CNOT3: variants seen among roughly 807,000 people sequenced by gnomAD.
CNOT3 encodes CCR4-associated factor 3.
Under a neutral mutation model 89.4 loss-of-function variants are expected in CNOT3, and 2 were observed. The observed-to-expected ratio is 0.02, with a 90% CI of 0.01 to 0.07. CNOT3 has a LOEUF of 0.07. Ranked by LOEUF, CNOT3 falls within the 10% of genes least tolerant of loss-of-function variation. CNOT3 has a pLI of 1.00. For missense variants in CNOT3, 664 were observed against 1,010.2 expected (o/e 0.66, Z 4.65); for synonymous variants, 486 against 402.0 (o/e 1.21, Z -2.50).
At chr19:54,146,679 G>A (rs1198097792) in intron 10 of CNOT3, 22 bp downstream of exon 10, 8 of 1,378,982 alleles carry the variant, frequency 5.8e-6, no homozygotes, top group Middle Eastern at 3.5e-4. Flanking sequence ...CCTGGACCGG[G>A]TGGGCACGCC....
At chr19:54,143,044 C>T (rs754413638) in intron 2 of CNOT3, 41 bp downstream of exon 2, 8 of 1,613,516 alleles carry the variant, frequency 5.0e-6, no homozygotes, top group Non-Finnish European at 4.2e-6. Context: ...GCCACATGCT[C>T]CCTCTTCTGA....
At chr19:54,146,443 A>G (rs886666147) in intron 9 of CNOT3, among the ~76,000 whole-genome samples, 158 bp from the exon 10 acceptor site, 2 of 152,120 alleles carry the variant, frequency 1.3e-5, no homozygotes, top group East Asian at 1.9e-4. Flanking sequence ...CTGAATTGAG[A>G]TGGTTTCTCC....
At chr19:54,139,610 C>T (rs1436069469) in intron 1 of CNOT3, among the ~76,000 whole-genome samples, 1 of 152,102 alleles carries the variant, frequency 6.6e-6, no homozygotes, top group African/African-American at 2.4e-5. Context: ...GGTGTCCACG[C>T]CTCTGCATGT....
intron 9 of CNOT3, 124 bp from the exon 10 acceptor site, chr19:54,146,477 G>C: frequency 1.4e-6 from 1 of 719,820 alleles, no homozygotes; most frequent in Non-Finnish European, 2.6e-6. Flanking sequence ...ACAGCCATTT[G>C]ACCAGCTCTG....
intron 13 of CNOT3, 74 bp downstream of exon 13, chr19:54,149,832 A>C: frequency 3.6e-6 from 5 of 1,400,970 alleles, no homozygotes; most frequent in Admixed American, 4.7e-5. Flanking sequence ...CTCTAGCTGC[A>C]CCCCTTGCCC....
At chr19:54,140,485 G>A (rs1005048050) in intron 1 of CNOT3, among the ~76,000 whole-genome samples, 1 of 152,180 alleles carries the variant, frequency 6.6e-6, no homozygotes, top group Admixed American at 6.5e-5. Flanking sequence ...CTCTGGCGGC[G>A]TCTCTGCTTC....
At chr19:54,153,499 T>G (rs532014592) in intron 16 of CNOT3, 5 of 777,952 alleles carry the variant, frequency 6.4e-6, no homozygotes, top group South Asian at 1.4e-5. Flanking sequence ...TCTCAAAGCT[T>G]CTCTGAAAGC....
rs143683346 is a variant in CNOT3 at position 54,145,926 on chromosome 19, C to T, written c.720C>T (p.Ala240=). 2.9e-4 allele frequency: 471 copies of T among 1,613,622 alleles called. No individual in the cohort carries two copies. The highest frequency in any genetic ancestry group is 3.9e-4 in the Non-Finnish European group (461 of 1,179,954). The change falls in exon 9 of 18, where the codon GCC becomes GCT. Residue 240 remains alanine, a synonymous_variant. Transcript: ENST00000221232. The surrounding 1 kb of genome is among the most constrained non-coding windows in gnomAD (Gnocchi z 5.9). ...CCCCCACAGCACAGGCGCTGGTCGC[C>T]ACCTCCCCCCCCAGCCACAGCCACA... The part of the protein sequence containing the change: ...DLEDIPQALV[A]TSPPSHSHME...
intron 1 of CNOT3, among the ~76,000 whole-genome samples, chr19:54,138,628 A>G (rs1400822394): frequency 1.3e-5 from 2 of 152,130 alleles, no homozygotes; most frequent in Non-Finnish European, 1.5e-5. Flanking sequence ...CCTGGATCTC[A>G]GGTTCCAGCT....
chr19:54,146,980 T>A (rs750000902), intron 10 of CNOT3, among the ~76,000 whole-genome samples: 2 of 151,758 alleles, frequency 1.3e-5, no homozygotes, highest in African/African-American at 2.4e-5. Flanking sequence ...TGACAGAAAG[T>A]TTGGAAGTGA....
chr19:54,152,616 G>A lies in CNOT3; in HGVS notation c.1894G>A (p.Glu632Lys). The change falls in exon 15 of 18, where the codon GAG becomes AAG. Residue 632 changes from glutamate (E) to lysine (K), a missense_variant. Around this residue, in one of 8 missense-constraint regions of CNOT3, gnomAD observed 545 missense variants for 566.2 expected, o/e 0.96. Coordinates refer to ENST00000221232, the MANE Select transcript of CNOT3 (RefSeq NM_014516.4). ...WHHMPHPSDS[E>K]RIRQYLPRNP... ...CCACATGCCTCACCCCTCTGACTCT[G>A]AGCGTATTCGGTGAGGGGCCACAGG... 6.2e-7 allele frequency: 1 copy of A among 1,612,312 alleles called. No individual in the cohort carries two copies.
chr19:54,140,169 G>A (rs1453298205), intron 1 of CNOT3, among the ~76,000 whole-genome samples: 2 of 152,158 alleles, frequency 1.3e-5, no homozygotes, highest in African/African-American at 4.8e-5. Context: ...CTGAGATGAA[G>A]TCTGGGGGGC....
chr19:54,148,547 G>C lies in CNOT3; in HGVS notation c.1282+12G>C. On this transcript the variant is annotated intron_variant, in intron 11 of 17. Transcript: ENST00000221232. The surrounding 1 kb of genome is among the most constrained non-coding windows in gnomAD (Gnocchi z 6.3). Reference sequence around the variant, plus strand: ...GAATGGCGCCACCAGTGAGTGAGGAGGCAGCGGGGTGGGGGGCGTGGGCGG... The same window carrying C: ...GAATGGCGCCACCAGTGAGTGAGGACGCAGCGGGGTGGGGGGCGTGGGCGG... The C allele has an allele frequency of 6.4e-7, 1 of 1,567,968 alleles. No individual in the cohort carries two copies.
At chr19:54,146,466 G>A in intron 9 of CNOT3, 135 bp from the exon 10 acceptor site, 1 of 707,236 alleles carries the variant, frequency 1.4e-6, no homozygotes, top group Admixed American at 2.0e-5. Flanking sequence ...GCAGATTAAG[G>A]ACAGCCATTT....
rs781143246 is a variant in CNOT3 at position 54,148,709 on chromosome 19, C to A, written c.1372C>A (p.Pro458Thr). The stretch of plus-strand genomic sequence containing the variant: ...TGCCAGCAGCCAGGCCTTGGGCCCC[C>A]CTTCCGGCCCCCACAACCCACCTCC... ...NNASSQALGP[P>T]SGPHNPPPST... The change falls in exon 12 of 18, where the codon CCT (proline) becomes ACT (threonine). Residue 458 changes from proline (P) to threonine (T), a missense_variant. Pro to Thr is a conservative substitution (Grantham distance 38). Coordinates refer to ENST00000221232, the MANE Select transcript of CNOT3 (RefSeq NM_014516.4). This position sits in a 1 kb window ranked among gnomAD's most constrained non-coding sequence, Gnocchi z 6.3. The A allele has an allele frequency of 6.2e-6, 10 of 1,611,732 alleles. No individual in the cohort carries two copies. Among genetic ancestry groups the A allele is most frequent in the African/African-American group, 1.3e-5 (1 of 74,872 alleles).
Position 54,148,080 on chromosome 19 carries a change from A to G in CNOT3, c.895-68A>G, listed in dbSNP as rs587607054. On this transcript the variant is annotated intron_variant, in intron 10 of 17. Coordinates refer to ENST00000221232, the MANE Select transcript of CNOT3 (RefSeq NM_014516.4). The surrounding 1 kb of genome is among the most constrained non-coding windows in gnomAD (Gnocchi z 6.3). The stretch of plus-strand genomic sequence containing the variant: ...GCTGCTGGGACAAAGATGGAGCCTG[A>G]GGTGGGGGTGGTGAGGGAGACCAGC... 216 of 1,226,450 alleles carry G rather than the reference A, an allele frequency of 1.8e-4. 1 individual carries two copies. The African/African-American group carries it at 3.2e-3, about 18-fold the overall frequency. The allele number at this position is 1,226,450 out of a possible 1,614,324, so 76.0% of individuals were successfully genotyped here. A position where few individuals can be genotyped will look rare whatever the true frequency, so the allele number is the denominator to read the frequency against.
intron 16 of CNOT3, chr19:54,153,456 C>T (rs2075251719): frequency 1.3e-6 from 1 of 775,392 alleles, no homozygotes; most frequent in Non-Finnish European, 2.4e-6. Context: ...TGCCTCCTCT[C>T]TCAGCTCTCA....
In CNOT3 at chr19:54,149,547, GCT is replaced by G. The variant is rs754638979; in HGVS notation, c.1407-5_1407-4del. On this transcript the variant is annotated splice_polypyrimidine_tract_variant and intron_variant, in intron 12 of 17. Transcript: ENST00000221232. The stretch of plus-strand genomic sequence containing the variant: ...CCCTCCTCTCAACCCCCTCTTCCAT[GCT>G]CTCTCTCCAGGAAGGAACCCAGTGC... The G allele has an allele frequency of 7.8e-6, 12 of 1,535,638 alleles. No homozygotes were observed. Among genetic ancestry groups the G allele is most frequent in the Admixed American group, 2.0e-5 (1 of 51,264 alleles).
intron 1 of CNOT3, chr19:54,142,577 C>T: frequency 3.0e-6 from 1 of 336,804 alleles, no homozygotes; most frequent in Non-Finnish European, 5.7e-6. Flanking sequence ...GCCTCCATCC[C>T]AGTCATCAGC....
Sources: gnomAD v4.1 joint callset for allele counts (sites outside exome capture counted in the v4.1 genomes callset) on GRCh38, gnomAD v4.1.1 for gene constraint, gnomAD v4.1.1 regional missense constraint, Gnocchi (gnomAD v3.1) non-coding constraint, MANE v1.5 for transcripts, NCBI Gene and HGNC (gene_info 2026-07-23, HGNC 2026-07-21) for gene names.